The following ANKRD36C variants were observed in gnomAD, a reference collection of about 807,000 sequenced individuals.
ANKRD36C encodes ankyrin repeat domain-containing protein 36C.
A neutral mutation model predicts 276.4 loss-of-function variants in ANKRD36C; 61 were observed. That is an observed-to-expected ratio of 0.22 (90% confidence interval 0.18 to 0.27). The LOEUF is 0.27. Ranked by LOEUF, ANKRD36C falls within the 10% of genes least tolerant of loss-of-function variation. The probability of loss-of-function intolerance (pLI) is 1.00; values close to 1 mark genes in which losing one functional copy is unlikely to be tolerated. For missense variants in ANKRD36C, 1,447 were observed against 2,032.3 expected, an observed-to-expected ratio of 0.71 and a Z score of 5.54; for synonymous variants, 483 against 680.1, an observed-to-expected ratio of 0.71 and a Z score of 4.51.
intron 30 of ANKRD36C, 102 bp downstream of exon 30, chr2:95,925,250 C>T: frequency 6.6e-7 from 1 of 1,518,814 alleles, no homozygotes; most frequent in Non-Finnish European, 8.9e-7. Flanking sequence ...CCTGCTTAAT[C>T]AGAAAGTGCA....
chr2:95,946,919 T>G (rs1359192337), intron 17 of ANKRD36C, among the ~76,000 whole-genome samples: 6 of 138,826 alleles, frequency 4.3e-5, no homozygotes, highest in Admixed American at 1.5e-4. Context: ...GGGGTGGGGG[T>G]AGGGGGGAGG....
At chr2:95,944,785 C>G (rs1677989740) in intron 18 of ANKRD36C, 91 bp from the exon 19 acceptor site, 2 of 1,423,900 alleles carry the variant, frequency 1.4e-6, no homozygotes, top group Admixed American at 2.0e-5. Flanking sequence ...CAGCTTTAAT[C>G]CCAGCAGTTT....
intron 42 of ANKRD36C, among the ~76,000 whole-genome samples, chr2:95,909,868 CA>C (rs1676858624): frequency 6.8e-6 from 1 of 146,932 alleles, no homozygotes; most frequent in South Asian, 2.1e-4. Context: ...GCGGAAACCC[CA>C]AAATTATATA....
At chr2:95,868,506 T>C (rs1208767758) in intron 59 of ANKRD36C, among the ~76,000 whole-genome samples, 2 of 152,004 alleles carry the variant, frequency 1.3e-5, no homozygotes, top group Admixed American at 1.3e-4. Context: ...TCAGTATCAT[T>C]ATAAAAATTT....
chr2:95,940,972 A>G (rs1238918485), intron 20 of ANKRD36C, among the ~76,000 whole-genome samples, 188 bp downstream of exon 20: 2 of 149,012 alleles, frequency 1.3e-5, no homozygotes, highest in East Asian at 3.9e-4. Flanking sequence ...ATTTAATGTA[A>G]TTTAACAATT....
chr2:95,908,639 A>G lies in ANKRD36C; in HGVS notation c.2653+3605T>C, dbSNP rs189716497. The G allele has an allele frequency of 7.7e-6, 12 of 1,564,704 alleles. 1 individual carries two copies. The East Asian group carries it at 1.7e-4, about 22-fold the overall frequency. On this transcript the variant is annotated intron_variant, in intron 42 of 66. Coordinates refer to ENST00000456556, the Ensembl canonical transcript of ANKRD36C. ...ATGTTTCATAGACTATACATTTACT[A>G]GTTCACAACATAAATGACAGTTTCA...
intron 54 of ANKRD36C, 77 bp from the exon 75 acceptor site, chr2:95,882,574 A>G (rs557522849): frequency 2.3e-4 from 355 of 1,517,754 alleles, no homozygotes; most frequent in Non-Finnish European, 2.8e-4. Flanking sequence ...CAGTGTTAGC[A>G]TCAAGCTGTA....
chr2:95,918,725 T>C (rs1210681347), intron 34 of ANKRD36C, among the ~76,000 whole-genome samples: 7 of 151,594 alleles, frequency 4.6e-5, no homozygotes, highest in Non-Finnish European at 8.9e-5. Flanking sequence ...TATATTAGCC[T>C]CAATAAAAAT....
intron 34 of ANKRD36C, among the ~76,000 whole-genome samples, chr2:95,918,718 A>T (rs941939725): frequency 6.6e-5 from 10 of 151,630 alleles, no homozygotes; most frequent in African/African-American, 2.2e-4. Flanking sequence ...AGGGTAATAT[A>T]TTAGCCTCAA....
At position 95,915,163 on chromosome 2, in the gene ANKRD36C, A is replaced by G. The variant is rs1438769926; in HGVS notation, c.2449+817T>C. Among the ~76,000 whole-genome samples, 32 of 150,672 alleles carry G rather than the reference A, an allele frequency of 2.1e-4. No homozygotes were observed. In the East Asian group the frequency reaches 5.0e-3, roughly 23 times the overall value. On this transcript the variant is annotated intron_variant, in intron 38 of 66. Transcript: ENST00000456556. ...TTTTTGTTTCTAAAATAGCCTTGTT[A>G]GGAGTATCATGTTATTTTCTAAAGA...
intron 59 of ANKRD36C, 108 bp from the exon 80 acceptor site, chr2:95,867,689 G>A: frequency 1.3e-6 from 2 of 1,512,692 alleles, no homozygotes; most frequent in African/African-American, 1.4e-5. Flanking sequence ...ACAAACACAG[G>A]TACCTGTTCT....
intron 59 of ANKRD36C, among the ~76,000 whole-genome samples, chr2:95,869,591 G>A (rs1675756606): frequency 6.6e-6 from 1 of 152,246 alleles, no homozygotes. Context: ...CGACGCAGAA[G>A]ATGGGTGGTT....
At chr2:95,875,088 T>C (rs1045862280) in intron 59 of ANKRD36C, among the ~76,000 whole-genome samples, 17 of 152,180 alleles carry the variant, frequency 1.1e-4, no homozygotes, top group Non-Finnish European at 2.5e-4. Flanking sequence ...GGTGGGACTG[T>C]AAACTAGTTC....
chr2:95,880,973 G>A (rs1001694931), intron 56 of ANKRD36C, among the ~76,000 whole-genome samples: 14 of 152,204 alleles, frequency 9.2e-5, no homozygotes, highest in Non-Finnish European at 1.8e-4. Context: ...AAAAGCTGGT[G>A]CTAACTGCGA....
chr2:95,962,169 T>C (rs1282864986), intron 8 of ANKRD36C, among the ~76,000 whole-genome samples, 183 bp downstream of exon 8: 3 of 152,076 alleles, frequency 2.0e-5, no homozygotes, highest in Non-Finnish European at 4.4e-5. Flanking sequence ...ATAATCTTAC[T>C]ACTCAGATCA....
intron 34 of ANKRD36C, among the ~76,000 whole-genome samples, chr2:95,918,570 C>T (rs990193526): frequency 2.0e-5 from 3 of 151,666 alleles, no homozygotes; most frequent in Non-Finnish European, 4.4e-5. Context: ...AAATTGATCA[C>T]CTTGGATATC....
At chr2:95,915,923 G>A in intron 38 of ANKRD36C, 57 bp downstream of exon 40, 1 of 1,528,186 alleles carries the variant, frequency 6.5e-7, no homozygotes, top group Non-Finnish European at 8.8e-7. Context: ...ATTTATTCGG[G>A]GAAGAGAACT....
chr2:95,916,337 A>G (rs897051442), intron 36 of ANKRD36C, among the ~76,000 whole-genome samples, 166 bp from the exon 39 acceptor site: 1 of 151,582 alleles, frequency 6.6e-6, no homozygotes. Context: ...AAATACACTG[A>G]AAAAAGGGAA....
chr2:95,946,289 CAAA>C (rs1291333591), intron 17 of ANKRD36C, among the ~76,000 whole-genome samples: 1 of 150,640 alleles, frequency 6.6e-6, no homozygotes, highest in African/African-American at 2.4e-5. Flanking sequence ...TTTATGCAGC[CAAA>C]AAACACATGA....
Sources: allele counts gnomAD v4.1 joint callset (sites outside exome capture counted in the v4.1 genomes callset), GRCh38; gene constraint gnomAD v4.1.1; transcripts MANE v1.5; gene names NCBI Gene and HGNC (gene_info 2026-07-23, HGNC 2026-07-21).